GALNT2: variants seen among roughly 807,000 people sequenced by gnomAD.
The protein encoded by GALNT2 is polypeptide N-acetylgalactosaminyltransferase 2, also known as UDP-GalNAc:polypeptide N-acetylgalactosaminyltransferase 2.
Under a neutral mutation model 81.4 loss-of-function variants are expected in GALNT2, and 31 were observed. The observed-to-expected ratio is 0.38, with a 90% CI of 0.29 to 0.51. GALNT2 has a LOEUF of 0.51. Among genes scored for constraint, GALNT2 ranks in the 20% least tolerant of loss-of-function variants. The pLI, the probability that GALNT2 is intolerant of heterozygous loss-of-function variation, is 0.87. For missense variants in GALNT2, 629 were observed against 765.7 expected, an observed-to-expected ratio of 0.82 and a Z score of 2.11; for synonymous variants, 303 against 287.4, an observed-to-expected ratio of 1.05 and a Z score of -0.55.
intron 1 of GALNT2, among the ~76,000 whole-genome samples, chr1:230,142,896 C>T (rs908708782): frequency 2.0e-5 from 3 of 152,148 alleles, no homozygotes; most frequent in African/African-American, 7.2e-5. Context: ...AGAATTGGCC[C>T]GTACCCTGGG....
chr1:230,206,233 C>T (rs1298186091), intron 3 of GALNT2, among the ~76,000 whole-genome samples: 1 of 152,110 alleles, frequency 6.6e-6, no homozygotes. Flanking sequence ...TCATCTGCCT[C>T]CCTTGCAAGT....
At chr1:230,203,399 T>C (rs959656061) in intron 3 of GALNT2, 109 bp downstream of exon 3, 3 of 1,306,060 alleles carry the variant, frequency 2.3e-6, no homozygotes, top group Non-Finnish European at 3.2e-6. Flanking sequence ...GGAAATTGAA[T>C]GTGTGTTGTA....
intron 14 of GALNT2, among the ~76,000 whole-genome samples, chr1:230,272,094 G>A (rs1052646369): frequency 2.6e-5 from 4 of 152,200 alleles, no homozygotes; most frequent in African/African-American, 9.6e-5. Flanking sequence ...TAAAACCCCT[G>A]TGGCTCAGGA....
intron 1 of GALNT2, among the ~76,000 whole-genome samples, chr1:230,164,422 A>G (rs1402401488): frequency 6.6e-6 from 1 of 152,214 alleles, no homozygotes. Context: ...GAAAGCAAAG[A>G]TTCAGTAGGG....
chr1:230,091,000 A>G (rs1235793216), intron 1 of GALNT2, among the ~76,000 whole-genome samples: 3 of 152,056 alleles, frequency 2.0e-5, no homozygotes, highest in African/African-American at 7.2e-5. Flanking sequence ...ATTGATGAGA[A>G]CTGTGCCTCG....
rs1663792468 is a variant in GALNT2 at position 230,198,807 on chromosome 1, T to A, written c.221-4330T>A. On this transcript the variant is annotated intron_variant, in intron 2 of 15. Coordinates refer to ENST00000366672, the MANE Select transcript of GALNT2 (RefSeq NM_004481.5). ...AGACCACATCTAAGAGAAGTCTATC[T>A]TCTGGAAAGAAATTTCCTCAAAAAT... Among the ~76,000 whole-genome samples, 3 of 152,228 alleles carry A rather than the reference T, an allele frequency of 2.0e-5. No individual in the cohort carries two copies. In the South Asian group the frequency reaches 6.2e-4, roughly 31 times the overall value.
At chr1:230,103,832 T>A (rs890700079) in intron 1 of GALNT2, among the ~76,000 whole-genome samples, 2 of 152,210 alleles carry the variant, frequency 1.3e-5, no homozygotes, top group African/African-American at 4.8e-5. Flanking sequence ...AACCCCTTAT[T>A]AGGTAATGGA....
chr1:230,144,187 AGTTGACACT>A (rs1661840138), intron 1 of GALNT2, among the ~76,000 whole-genome samples: 1 of 152,142 alleles, frequency 6.6e-6, no homozygotes. Context: ...CATGTCAAAG[AGTTGACACT>A]GTTATTTCAC....
chr1:230,166,000 A>G (rs1467725916), intron 1 of GALNT2, among the ~76,000 whole-genome samples: 1 of 152,222 alleles, frequency 6.6e-6, no homozygotes, highest in Non-Finnish European at 1.5e-5. Flanking sequence ...GTTGACATGG[A>G]GTCTGGGCTT....
chr1:230,255,642 A>G (rs1443031808), intron 11 of GALNT2, among the ~76,000 whole-genome samples: 1 of 152,130 alleles, frequency 6.6e-6, no homozygotes, highest in African/African-American at 2.4e-5. Context: ...AGGAGCTGTG[A>G]TGGCAGGAAA....
At chr1:230,142,872 A>G (rs758100508) in intron 1 of GALNT2, among the ~76,000 whole-genome samples, 2 of 152,162 alleles carry the variant, frequency 1.3e-5, no homozygotes, top group African/African-American at 2.4e-5. Context: ...TTAAAGCCAG[A>G]TGCTCTCTAT....
chr1:230,255,139 G>C (rs1282774267), intron 10 of GALNT2, 79 bp from the exon 11 acceptor site: 1 of 1,607,064 alleles, frequency 6.2e-7, no homozygotes, highest in Middle Eastern at 1.7e-4. Flanking sequence ...GGGGGCCTCT[G>C]TACCTGCTTG....
Position 230,255,275 on chromosome 1 carries a change from G to A in GALNT2, c.1067G>A (p.Arg356His), listed in dbSNP as rs773776380. ...AGCCTGGAGATCATCCCGTGCAGCC[G>A]TGTGGGACACGTGTTCCGGAAGCAG... is the stretch of plus-strand genomic sequence containing the variant. ...GGSLEIIPCS[R>H]VGHVFRKQHP... Residue 356 changes from arginine (R) to histidine (H), a missense_variant, in exon 11 of 16, where the codon CGT (arginine) becomes CAT (histidine). Arg to His is a conservative substitution (Grantham distance 29). Around this residue, in one of 3 missense-constraint regions of GALNT2, gnomAD observed 360 missense variants for 492.8 expected, o/e 0.73. Coordinates refer to ENST00000366672, the MANE Select transcript of GALNT2 (RefSeq NM_004481.5). 3 of 1,614,092 alleles carry A rather than the reference G, an allele frequency of 1.9e-6. No homozygotes were observed. Among genetic ancestry groups the A allele is most frequent in the Non-Finnish European group, 2.5e-6 (3 of 1,180,040 alleles).
intron 1 of GALNT2, among the ~76,000 whole-genome samples, chr1:230,153,748 G>A (rs997486119): frequency 2.6e-5 from 4 of 152,222 alleles, no homozygotes; most frequent in South Asian, 4.1e-4. Context: ...AGGCCACTCC[G>A]CTCTTGGAGA....
chr1:230,201,217 G>T (rs935860095), intron 2 of GALNT2, among the ~76,000 whole-genome samples: 7 of 152,058 alleles, frequency 4.6e-5, no homozygotes, highest in Non-Finnish European at 8.8e-5. Context: ...TGACACCTTG[G>T]CCGGCTCCCA....
At chr1:230,212,010 C>T (rs183584069) in intron 3 of GALNT2, among the ~76,000 whole-genome samples, 1 of 152,256 alleles carries the variant, frequency 6.6e-6, no homozygotes, top group African/African-American at 2.4e-5. Context: ...TGGGGAGAGG[C>T]AGGCAGCTAG....
chr1:230,278,377 G>T lies in GALNT2; in HGVS notation c.1561-926G>T, dbSNP rs575781453. 5.0e-3 allele frequency among the ~76,000 whole-genome samples: 767 copies of T among 151,996 alleles called. 2 individuals carry two copies. The highest frequency in any genetic ancestry group is 0.018 in the African/African-American group (730 of 41,434). On this transcript the variant is annotated intron_variant, in intron 15 of 15. Transcript: ENST00000366672. The stretch of plus-strand genomic sequence containing the variant: ...TGGCCTCAAGCGATCTTCCTGCCTC[G>T]GCCTCCCAAAGTGCTGGGATTAGTG...
At chr1:230,258,164 C>G (rs1258670187) in intron 11 of GALNT2, among the ~76,000 whole-genome samples, 2 of 152,148 alleles carry the variant, frequency 1.3e-5, no homozygotes, top group Non-Finnish European at 2.9e-5. Context: ...ATCTGCCCAC[C>G]TCGGCCTCCC....
In GALNT2 at chr1:230,061,747, T is replaced by C. The variant is rs531594217; in HGVS notation, n.89+3669T>C. On this transcript the variant is annotated intron_variant and non_coding_transcript_variant, in intron 1 of 6. Transcript: ENST00000494106. ...CACCCCTTCTAGGTAACCAACTCAATTGTTTTCTGGTTTACCACTATTGTG... is the reference window on the plus strand; with the variant it reads ...CACCCCTTCTAGGTAACCAACTCAACTGTTTTCTGGTTTACCACTATTGTG... 7.9e-5 allele frequency among the ~76,000 whole-genome samples: 12 copies of C among 152,322 alleles called. No homozygotes were observed. In the South Asian group the frequency reaches 2.5e-3, roughly 32 times the overall value.
Sources: gnomAD v4.1 joint callset for allele counts (sites outside exome capture counted in the v4.1 genomes callset) on GRCh38, gnomAD v4.1.1 for gene constraint, gnomAD v4.1.1 regional missense constraint, MANE v1.5 for transcripts, NCBI Gene and HGNC (gene_info 2026-07-23, HGNC 2026-07-21) for gene names.